Variants in STAG1 observed in about 807,000 individuals in gnomAD.
STAG1 encodes the protein cohesin subunit SA-1.
Under a neutral mutation model 170.9 loss-of-function variants are expected in STAG1, and 26 were observed. The ratio of observed to expected loss-of-function variants is 0.15; its 90% CI spans 0.11 to 0.21. STAG1 has a LOEUF of 0.21. Ranked by LOEUF, STAG1 falls within the 10% of genes least tolerant of loss-of-function variation. STAG1 has a pLI of 1.00. For missense variants in STAG1, 964 were observed against 1,509.5 expected (o/e 0.64, Z 5.99); for synonymous variants, 514 against 497.7 (o/e 1.03, Z -0.44).
At chr3:136,591,662 T>G (rs1938189455) in intron 4 of STAG1, 2 of 236,322 alleles carry the variant, frequency 8.5e-6, no homozygotes, top group South Asian at 8.3e-5. Context: ...AAACCAAAAT[T>G]TTCTTTTCAA....
In STAG1 at chr3:136,336,474, T is replaced by TACAAG. The variant is rs1156717496; in HGVS notation, c.*1775_*1779dup. 1.3e-5 allele frequency: 2 copies of TACAAG among 152,240 alleles called. No homozygotes were observed. The highest frequency in any genetic ancestry group is 2.9e-5 in the Non-Finnish European group (2 of 68,044). The allele number at this position is 152,240 out of a possible 1,614,324, so 9.4% of individuals were successfully genotyped here. A position where few individuals can be genotyped will look rare whatever the true frequency, so the allele number is the denominator to read the frequency against. On this transcript the variant is annotated 3_prime_UTR_variant, in exon 34 of 34. Coordinates refer to ENST00000383202, the MANE Select transcript of STAG1 (RefSeq NM_005862.3). ...CAATTCTGTCAGCATCTGTTTTCCA[T>TACAAG]ACAAGACTGTCACGCAAAGGATCAA...
At chr3:136,621,618 T>A (rs1939852293) in intron 3 of STAG1, among the ~76,000 whole-genome samples, 1 of 152,200 alleles carries the variant, frequency 6.6e-6, no homozygotes, top group African/African-American at 2.4e-5. Context: ...CATTATTTTT[T>A]TCCTTTAAAT....
At chr3:136,505,983 C>T (rs1432639327) in intron 7 of STAG1, among the ~76,000 whole-genome samples, 1 of 152,126 alleles carries the variant, frequency 6.6e-6, no homozygotes, top group African/African-American at 2.4e-5. Context: ...GAAGAAGATA[C>T]TTAAAAGGAA....
Position 136,422,811 on chromosome 3 carries a change from T to C in STAG1, c.1790A>G (p.Gln597Arg). Residue 597 changes from glutamine (Q) to arginine (R), a missense_variant, in exon 18 of 34, where the codon CAG becomes CGG. Around this residue, in one of 11 missense-constraint regions of STAG1, gnomAD observed 232 missense variants for 313.0 expected, o/e 0.74. Coordinates refer to ENST00000383202, the MANE Select transcript of STAG1 (RefSeq NM_005862.3). ...EKVANLLQIP[Q>R]YFDLEIYSTG... is the part of the protein sequence containing the mutation. ...GCTGTAGATTTCTAAATCAAAATAC[T>C]GTGGGATTTGTAGCAAGTTTGCTAC... is the stretch of plus-strand genomic sequence containing the variant. 1.2e-6 allele frequency: 2 copies of C among 1,609,470 alleles called. No homozygotes were observed. The highest frequency in any genetic ancestry group is 1.7e-6 in the Non-Finnish European group (2 of 1,178,998).
rs368775798 is a variant in STAG1 at position 136,418,953 on chromosome 3, C to T, written c.2109-981G>A. On this transcript the variant is annotated intron_variant, in intron 20 of 33. Transcript: ENST00000383202. ...ACCGCGTCAGGCCTATTTAAAAGTA[C>T]ATTTTAAAGAACTCCATTTACAATT... Among the ~76,000 whole-genome samples, 5 of 152,000 alleles carry T rather than the reference C, an allele frequency of 3.3e-5. No homozygotes were observed. In the East Asian group the frequency reaches 9.6e-4, roughly 29 times the overall value.
intron 21 of STAG1, among the ~76,000 whole-genome samples, chr3:136,405,493 C>A (rs924015664): frequency 6.6e-6 from 1 of 151,576 alleles, no homozygotes; most frequent in African/African-American, 2.4e-5. Context: ...CTGCCTGTAT[C>A]GACCTCTCAA....
chr3:136,590,646 A>G (rs1256401735), intron 4 of STAG1, among the ~76,000 whole-genome samples: 1 of 152,200 alleles, frequency 6.6e-6, no homozygotes, highest in Non-Finnish European at 1.5e-5. Flanking sequence ...CCAGTTCCAA[A>G]TATTGGTCTA....
At chr3:136,385,285 A>T (rs1254021733) in intron 22 of STAG1, among the ~76,000 whole-genome samples, 1 of 152,100 alleles carries the variant, frequency 6.6e-6, no homozygotes, top group Non-Finnish European at 1.5e-5. Context: ...CTGTCTCTAC[A>T]ATATATCAGC....
At chr3:136,612,757 T>C (rs564810112) in intron 3 of STAG1, among the ~76,000 whole-genome samples, 6 of 152,346 alleles carry the variant, frequency 3.9e-5, no homozygotes, top group African/African-American at 9.6e-5. Flanking sequence ...TAGCATTCCA[T>C]TCCATGGATG....
At chr3:136,400,814 G>A (rs574608072) in intron 21 of STAG1, among the ~76,000 whole-genome samples, 24 of 152,308 alleles carry the variant, frequency 1.6e-4, no homozygotes, top group Non-Finnish European at 3.2e-4. Context: ...GATTACAGGT[G>A]TGAGCCACCG....
intron 21 of STAG1, among the ~76,000 whole-genome samples, chr3:136,405,050 G>A (rs1369472597): frequency 6.6e-6 from 1 of 151,940 alleles, no homozygotes; most frequent in Non-Finnish European, 1.5e-5. Context: ...TGATAAAAGA[G>A]TGAACTAAAC....
chr3:136,671,177 G>C (rs973697186), intron 1 of STAG1, among the ~76,000 whole-genome samples: 5 of 152,008 alleles, frequency 3.3e-5, no homozygotes, highest in Non-Finnish European at 7.4e-5. Flanking sequence ...CCAACTACTC[G>C]AGAGGCTAGC....
Position 136,338,097 on chromosome 3 carries a change from C to G in STAG1, c.*157G>C, listed in dbSNP as rs545737189. ...CATTCCCTTGGGTAATTTACATGCT[C>G]CTCTTCTGTCACTGCAAAAAGGGAT... On this transcript the variant is annotated 3_prime_UTR_variant, in exon 34 of 34. Transcript: ENST00000383202. The G allele has an allele frequency of 5.0e-6, 3 of 597,890 alleles. No individual in the cohort carries two copies. In the South Asian group the frequency reaches 6.9e-5, roughly 14 times the overall value. 37.0% of individuals were successfully genotyped at this position (597,890 alleles called of 1,614,324 possible).
chr3:136,565,021 G>GGCAGGCAGGCAGGCAGGCAGGCAT (rs1559881966), intron 5 of STAG1, among the ~76,000 whole-genome samples: 1 of 95,714 alleles, frequency 1.0e-5, no homozygotes, highest in African/African-American at 6.7e-5. Flanking sequence ...AAGGCAGGCA[G>GGCAGGCAGGCAGGCAGGCAGGCAT]GCAGGCAGGC....
At position 136,619,301 on chromosome 3, in the gene STAG1, G is replaced by C. The variant is rs564068154; in HGVS notation, c.132+3845C>G. On this transcript the variant is annotated intron_variant, in intron 3 of 33. Transcript: ENST00000383202. ...AACACTTACTGCAGGTCAGACACTA[G>C]TAAATAGCAGAAGACACACTAGATA... 4.0e-5 allele frequency among the ~76,000 whole-genome samples: 6 copies of C among 149,152 alleles called. No individual in the cohort carries two copies. The South Asian group carries it at 1.3e-3, about 33-fold the overall frequency.
At chr3:136,661,533 C>T (rs575377273) in intron 1 of STAG1, among the ~76,000 whole-genome samples, 11 of 151,870 alleles carry the variant, frequency 7.2e-5, no homozygotes, top group Admixed American at 5.9e-4. Flanking sequence ...TATACACATA[C>T]GAAATATAAA....
chr3:136,600,854 TGTTG>T (rs1305483849), intron 4 of STAG1, among the ~76,000 whole-genome samples: 1 of 128,496 alleles, frequency 7.8e-6, no homozygotes, highest in Admixed American at 7.7e-5. Context: ...TTTTTCTTGT[TGTTG>T]TTTGTTTGTT....
rs1197328199 is a variant in STAG1, at chr3:136,690,077, A to G, written c.-83-59096T>C. 4.6e-5 allele frequency among the ~76,000 whole-genome samples: 7 copies of G among 151,050 alleles called. No individual in the cohort carries two copies. The South Asian group carries it at 1.5e-3, about 32-fold the overall frequency. ...AAACCAAAAAAAAAAAAAAAAAAAA[A>G]AAGTAAAGAAAAGAGAGAAAAAAGT... On this transcript the variant is annotated intron_variant, in intron 1 of 33. Transcript: ENST00000383202.
chr3:136,534,924 A>G (rs939860307), intron 6 of STAG1, among the ~76,000 whole-genome samples: 4 of 152,228 alleles, frequency 2.6e-5, no homozygotes, highest in African/African-American at 7.2e-5. Context: ...AGAAATCAGT[A>G]TATCAAAGGG....
Sources: gnomAD v4.1 joint callset for allele counts (sites outside exome capture counted in the v4.1 genomes callset) on GRCh38, gnomAD v4.1.1 for gene constraint, gnomAD v4.1.1 regional missense constraint, MANE v1.5 for transcripts, NCBI Gene and HGNC (gene_info 2026-07-23, HGNC 2026-07-21) for gene names.